The following PACC1 variants were observed in gnomAD, a reference collection of about 807,000 sequenced individuals.
PACC1 encodes the protein proton-activated chloride channel.
Under a neutral mutation model 39.7 loss-of-function variants are expected in PACC1, and 34 were observed. That is an observed-to-expected ratio of 0.86 (90% CI 0.65 to 1.14). PACC1 has a LOEUF of 1.14. PACC1 is among the 50% of genes most tolerant of loss of function. The pLI is 0.00. For missense variants in PACC1, 379 were observed against 436.4 expected, an observed-to-expected ratio of 0.87 and a Z score of 1.17; for synonymous variants, 127 against 160.6, an observed-to-expected ratio of 0.79 and a Z score of 1.58.
chr1:212,399,810 C>T lies in PACC1; in HGVS notation c.133+10615G>A, dbSNP rs1374725927. Among the ~76,000 whole-genome samples the T allele has an allele frequency of 4.6e-5, 7 of 152,130 alleles. No individual in the cohort carries two copies. In the East Asian group the frequency reaches 9.6e-4, roughly 21 times the overall value. On this transcript the variant is annotated intron_variant, in intron 2 of 7. Transcript: ENST00000261455. ...CCACCCGCCTCGGCCTCCTAAAATG[C>T]TGGGATTACAGGCGTGAGCCACTGT...
At chr1:212,384,824 G>A (rs568670791) in intron 4 of PACC1, among the ~76,000 whole-genome samples, 2 of 152,288 alleles carry the variant, frequency 1.3e-5, no homozygotes, top group East Asian at 1.9e-4. Context: ...GCTCCTTTAC[G>A]CTGGCGTATT....
intron 7 of PACC1, 83 bp downstream of exon 7, chr1:212,375,110 T>C: frequency 2.6e-6 from 3 of 1,149,264 alleles, no homozygotes; most frequent in Non-Finnish European, 3.7e-6. Flanking sequence ...GGCAGCATCA[T>C]AATCTTAAAT....
Position 212,365,079 on chromosome 1 carries a change from G to T in PACC1, c.*136C>A. ...TTTTGGGACGGGGTTAGAAGTTCCA[G>T]TTTTACATGCTGTTCCTCCCAGCAA... On this transcript the variant is annotated 3_prime_UTR_variant, in exon 8 of 8. Coordinates refer to ENST00000261455, the MANE Select transcript of PACC1 (RefSeq NM_018252.3). 1.1e-6 allele frequency: 1 copy of T among 871,728 alleles called. No individual in the cohort carries two copies. Among genetic ancestry groups the T allele is most frequent in the Non-Finnish European group, 1.7e-6 (1 of 593,506 alleles). 54.0% of individuals were successfully genotyped at this position (871,728 alleles called of 1,614,324 possible).
In PACC1 at chr1:212,365,232, T is replaced by C. The variant is rs1408553703; in HGVS notation, c.1036A>G (p.Thr346Ala). ...AGGTGACTTCAGCTTATGTGGCTCGTTGCCTGACCTCTTCTTTTAAGGTAT... is the reference window on the plus strand; with the variant it reads ...AGGTGACTTCAGCTTATGTGGCTCGCTGCCTGACCTCTTCTTTTAAGGTAT... ...KRYLKRRGQA[T>A]SHIS Residue 346 changes from threonine (T) to alanine (A), a missense_variant, in exon 8 of 8, where the codon ACG becomes GCG. Physicochemically the swap from Thr to Ala is moderately conservative, Grantham distance 58 (BLOSUM62 0). Transcript: ENST00000261455. 1.9e-6 allele frequency: 3 copies of C among 1,613,728 alleles called. No individual in the cohort carries two copies. The highest frequency in any genetic ancestry group is 2.5e-6 in the Non-Finnish European group (3 of 1,179,874).
At chr1:212,369,596 C>G (rs991203470) in intron 7 of PACC1, among the ~76,000 whole-genome samples, 2 of 152,082 alleles carry the variant, frequency 1.3e-5, no homozygotes, top group Admixed American at 1.3e-4. Context: ...GCCTGGTCAA[C>G]ATGGCAAAAC....
Position 212,413,682 on chromosome 1 carries a change from TG to T in PACC1, c.36+1039del, listed in dbSNP as rs1476035690. 3.3e-5 allele frequency among the ~76,000 whole-genome samples: 5 copies of T among 152,302 alleles called. No individual in the cohort carries two copies. In the East Asian group the frequency reaches 9.6e-4, roughly 29 times the overall value. The stretch of plus-strand genomic sequence containing the variant: ...AAGGTAATGGGAGACATGGCTGCTG[TG>T]CTGTTCAGAGCTTTGGGAGCCTGCT... On this transcript the variant is annotated intron_variant, in intron 1 of 7. Transcript: ENST00000261455.
chr1:212,403,848 C>A (rs1187178701), intron 2 of PACC1, among the ~76,000 whole-genome samples: 2 of 151,614 alleles, frequency 1.3e-5, no homozygotes, highest in East Asian at 3.9e-4. Context: ...TACAGGCGTG[C>A]CACCACACCT....
At chr1:212,384,381 C>A (rs758957505) in intron 4 of PACC1, among the ~76,000 whole-genome samples, 2 of 152,156 alleles carry the variant, frequency 1.3e-5, no homozygotes, top group Non-Finnish European at 2.9e-5. Flanking sequence ...GGCTCTACAG[C>A]ACGATGCATG....
intron 5 of PACC1, among the ~76,000 whole-genome samples, chr1:212,379,393 T>C (rs1246904114): frequency 1.3e-5 from 2 of 152,216 alleles, no homozygotes; most frequent in Non-Finnish European, 2.9e-5. Context: ...GGTCAAAAGT[T>C]ATACACAAAT....
chr1:212,414,094 CAG>C (rs1390156519), intron 1 of PACC1: 1 of 1,521,078 alleles, frequency 6.6e-7, no homozygotes, highest in Non-Finnish European at 8.8e-7. Context: ...CAGCGCAGGA[CAG>C]AGAAGAGACA....
At chr1:212,379,688 C>G (rs1015067223) in intron 5 of PACC1, among the ~76,000 whole-genome samples, 1 of 152,180 alleles carries the variant, frequency 6.6e-6, no homozygotes, top group South Asian at 2.1e-4. Context: ...AGCCAGCATG[C>G]TCCTCCACAC....
At chr1:212,410,545 A>C in intron 1 of PACC1, 24 bp from the exon 2 acceptor site, 1 of 1,606,656 alleles carries the variant, frequency 6.2e-7, no homozygotes, top group South Asian at 1.1e-5. Context: ...CAAAGAGAGC[A>C]AAGACAAGTC....
At chr1:212,379,738 G>A (rs767698395) in intron 5 of PACC1, among the ~76,000 whole-genome samples, 157 bp downstream of exon 5, 18 of 152,150 alleles carry the variant, frequency 1.2e-4, no homozygotes, top group Admixed American at 2.0e-4. Flanking sequence ...TGAGTGGACC[G>A]GCCAAGCTCA....
intron 2 of PACC1, among the ~76,000 whole-genome samples, chr1:212,403,923 G>A (rs74442654): frequency 0.019 from 2,832 of 151,966 alleles, 111 homozygotes; most frequent in African/African-American, 0.064. Context: ...TCATTCTCCC[G>A]TTTGCCTGGC....
chr1:212,393,445 A>G (rs1661400521), intron 2 of PACC1, among the ~76,000 whole-genome samples: 1 of 152,246 alleles, frequency 6.6e-6, no homozygotes, highest in South Asian at 2.1e-4. Context: ...CAGTGTGTAG[A>G]GGGAAATTTA....
chr1:212,396,985 A>G (rs1223744649), intron 2 of PACC1, among the ~76,000 whole-genome samples: 1 of 152,162 alleles, frequency 6.6e-6, no homozygotes, highest in African/African-American at 2.4e-5. Context: ...CTATCCAGCA[A>G]AACTTCAAAA....
At chr1:212,397,230 TTTA>T (rs1661560916) in intron 2 of PACC1, among the ~76,000 whole-genome samples, 1 of 151,748 alleles carries the variant, frequency 6.6e-6, no homozygotes, top group African/African-American at 2.4e-5. Context: ...TATGGTAAGG[TTTA>T]TAACTTGCAA....
intron 2 of PACC1, among the ~76,000 whole-genome samples, chr1:212,391,112 G>T (rs767504221): frequency 6.6e-6 from 1 of 152,218 alleles, no homozygotes; most frequent in Middle Eastern, 3.2e-3. Context: ...CTAGCACAGG[G>T]TTTGAGATCT....
chr1:212,401,801 G>T (rs1204603167), intron 2 of PACC1, among the ~76,000 whole-genome samples: 1 of 150,354 alleles, frequency 6.7e-6, no homozygotes. Flanking sequence ...AGCCTCCCAA[G>T]TAACTGGGAT....
Sources: gnomAD v4.1 joint callset for allele counts (sites outside exome capture counted in the v4.1 genomes callset) on GRCh38, gnomAD v4.1.1 for gene constraint, MANE v1.5 for transcripts, NCBI Gene and HGNC (gene_info 2026-07-23, HGNC 2026-07-21) for gene names.